DAPK2: variants seen among roughly 807,000 people sequenced by gnomAD.
The protein encoded by DAPK2 is death-associated protein kinase 2.
Under a neutral mutation model 44.1 loss-of-function variants are expected in DAPK2, and 35 were observed. That is an observed-to-expected ratio of 0.79 (90% CI 0.61 to 1.05). DAPK2 has a LOEUF of 1.05. DAPK2 is among the 50% of genes least tolerant of loss of function. The pLI is 0.00. For missense variants in DAPK2, 453 were observed against 483.2 expected (o/e 0.94, Z 0.59); for synonymous variants, 174 against 182.6 (o/e 0.95, Z 0.38).
At chr15:64,038,967 G>C (rs548372642) in intron 1 of DAPK2, among the ~76,000 whole-genome samples, 32 of 152,318 alleles carry the variant, frequency 2.1e-4, no homozygotes, top group Non-Finnish European at 4.1e-4. Context: ...GCAACCATCT[G>C]TCTCTTATCT....
At chr15:63,997,892 G>C (rs1329686855) in intron 1 of DAPK2, among the ~76,000 whole-genome samples, 1 of 152,154 alleles carries the variant, frequency 6.6e-6, no homozygotes, top group Non-Finnish European at 1.5e-5. Flanking sequence ...TCATCAGTGA[G>C]ACAGGAATGA....
intron 3 of DAPK2, among the ~76,000 whole-genome samples, chr15:63,967,417 G>C (rs2078084910): frequency 6.6e-6 from 1 of 152,142 alleles, no homozygotes; most frequent in Admixed American, 6.5e-5. Context: ...TGGGTATGGT[G>C]GCTCATGCCT....
chr15:63,936,123 A>AT (rs1208743436), intron 4 of DAPK2, among the ~76,000 whole-genome samples: 1 of 152,134 alleles, frequency 6.6e-6, no homozygotes, highest in Non-Finnish European at 1.5e-5. Context: ...ACATCTGATA[A>AT]TTTCAGTATC....
intron 4 of DAPK2, among the ~76,000 whole-genome samples, chr15:63,933,057 C>A (rs976304137): frequency 6.6e-6 from 1 of 151,998 alleles, no homozygotes; most frequent in Non-Finnish European, 1.5e-5. Flanking sequence ...TCCTAATGTG[C>A]ACATGAAAGA....
At chr15:63,984,819 C>T (rs770721067) in intron 1 of DAPK2, among the ~76,000 whole-genome samples, 1 of 152,162 alleles carries the variant, frequency 6.6e-6, no homozygotes, top group South Asian at 2.1e-4. Context: ...CAGGGAAATG[C>T]CTGGGATATT....
At chr15:63,960,314 T>C (rs1027604786) in intron 3 of DAPK2, among the ~76,000 whole-genome samples, 6 of 152,322 alleles carry the variant, frequency 3.9e-5, no homozygotes, top group African/African-American at 1.4e-4. Flanking sequence ...CCTGGATTCA[T>C]TGATTTTTTG....
chr15:63,923,002 C>A lies in DAPK2; in HGVS notation c.858+1814G>T. ...TGGCCTGGATGTCTTCTCGCAGCAG[C>A]TTCTTCAATGACTCCACCTTGCGGA... On this transcript the variant is annotated intron_variant, in intron 8 of 10. Coordinates refer to ENST00000261891, the Ensembl canonical transcript of DAPK2. The surrounding 1 kb of genome is among the most constrained non-coding windows in gnomAD (Gnocchi z 4.2). The A allele has an allele frequency of 6.5e-7, 1 of 1,535,914 alleles. No individual in the cohort carries two copies. The highest frequency in any genetic ancestry group is 8.7e-7 in the Non-Finnish European group (1 of 1,146,732).
At chr15:63,999,925 C>T (rs1343792962) in intron 1 of DAPK2, among the ~76,000 whole-genome samples, 1 of 151,872 alleles carries the variant, frequency 6.6e-6, no homozygotes, top group African/African-American at 2.4e-5. Flanking sequence ...AACCACTATG[C>T]CTGGCTAATT....
At chr15:63,952,395 C>T (rs1305050381) in intron 3 of DAPK2, among the ~76,000 whole-genome samples, 1 of 152,002 alleles carries the variant, frequency 6.6e-6, no homozygotes, top group Non-Finnish European at 1.5e-5. Flanking sequence ...AATCCATGAG[C>T]AGAAAAAAGG....
intron 5 of DAPK2, 103 bp from the exon 7 acceptor site, chr15:63,929,680 C>A: frequency 7.4e-7 from 1 of 1,360,048 alleles, no homozygotes; most frequent in Non-Finnish European, 1.0e-6. Context: ...TTGCCTCCTC[C>A]ACAGCAGACC....
rs150316326 is a variant in DAPK2 at position 64,020,327 on chromosome 15, G to A, written c.92+19843C>T. ...AATGCATCAACATGAAGAAACAGCT[G>A]AGAAGGCAGTGGGGGATAGAACCCA... On this transcript the variant is annotated intron_variant, in intron 1 of 10. Transcript: ENST00000261891. This position sits in a 1 kb window ranked among gnomAD's most constrained non-coding sequence, Gnocchi z 4.5. 2.0e-5 allele frequency among the ~76,000 whole-genome samples: 3 copies of A among 152,360 alleles called. No individual in the cohort carries two copies. The East Asian group carries it at 5.8e-4, about 29-fold the overall frequency.
chr15:63,930,554 C>A, intron 4 of DAPK2, 99 bp from the exon 6 acceptor site: 1 of 1,112,456 alleles, frequency 9.0e-7, no homozygotes, highest in Non-Finnish European at 1.4e-6. Context: ...TATCTCCATC[C>A]TGAATCTCCA....
rs139000467 is a variant in DAPK2, at chr15:63,924,847, A to G, written c.827T>C (p.Ile276Thr). The G allele has an allele frequency of 7.7e-4, 1,250 of 1,614,032 alleles. 2 individuals are homozygous for G. Among genetic ancestry groups the G allele is most frequent in the Non-Finnish European group, 6.7e-4 (789 of 1,180,016 alleles). ...CCAGGGGTGTCTGAGAGCCTCTTGG[A>G]TTGTGAGCCGTTTCCTGCAATGAGG... Residue 276 changes from isoleucine to threonine, a missense_variant, in exon 8 of 11, where the codon ATC becomes ACC. By Grantham distance (89) the Ile-to-Thr change is moderately conservative. Coordinates refer to ENST00000261891, the Ensembl canonical transcript of DAPK2.
intron 3 of DAPK2, among the ~76,000 whole-genome samples, chr15:63,943,543 T>A (rs1379217703): frequency 2.0e-5 from 3 of 152,116 alleles, no homozygotes; most frequent in Non-Finnish European, 4.4e-5. Context: ...CTAGACTAAA[T>A]GATTCCCCTT....
At chr15:63,976,656 G>C (rs899855326) in intron 2 of DAPK2, among the ~76,000 whole-genome samples, 1 of 152,122 alleles carries the variant, frequency 6.6e-6, no homozygotes, top group Non-Finnish European at 1.5e-5. Context: ...AGTGAGCCGT[G>C]ATTGTGCCAT....
At chr15:63,954,955 T>C (rs1595791778) in intron 3 of DAPK2, among the ~76,000 whole-genome samples, 2 of 152,338 alleles carry the variant, frequency 1.3e-5, no homozygotes, top group Non-Finnish European at 2.9e-5. Context: ...TTTCAGATAG[T>C]TCGCTGTTGG....
chr15:63,993,675 T>C (rs1361498662), intron 1 of DAPK2, among the ~76,000 whole-genome samples: 2 of 152,060 alleles, frequency 1.3e-5, no homozygotes. Context: ...GAAGACTACA[T>C]ATCACGGGCA....
intron 3 of DAPK2, among the ~76,000 whole-genome samples, 162 bp downstream of exon 4, chr15:63,971,261 G>A (rs1223015454): frequency 6.6e-6 from 1 of 152,142 alleles, no homozygotes; most frequent in Non-Finnish European, 1.5e-5. Flanking sequence ...CTGAGAAGGT[G>A]GACATTTCCG....
At chr15:64,002,368 A>G (rs1031245523) in intron 1 of DAPK2, among the ~76,000 whole-genome samples, 1 of 152,226 alleles carries the variant, frequency 6.6e-6, no homozygotes, top group Non-Finnish European at 1.5e-5. Context: ...AATAAACAAT[A>G]TATGTCCTTC....
Sources: allele counts gnomAD v4.1 joint callset (sites outside exome capture counted in the v4.1 genomes callset), GRCh38; gene constraint gnomAD v4.1.1; non-coding constraint Gnocchi (gnomAD v3.1); transcripts MANE v1.5; gene names NCBI Gene and HGNC (gene_info 2026-07-23, HGNC 2026-07-21).